KCNH7: variants seen among roughly 807,000 people sequenced by gnomAD.
KCNH7 encodes potassium voltage-gated channel subfamily H member 7.
Under a neutral mutation model 120.8 loss-of-function variants are expected in KCNH7, and 49 were observed. The ratio of observed to expected loss-of-function variants is 0.41; its 90% confidence interval spans 0.32 to 0.51. The LOEUF (loss-of-function observed/expected upper bound fraction) is 0.51, where lower values mean the gene tolerates loss of function less well. Ranked by LOEUF, KCNH7 falls within the 20% of genes least tolerant of loss-of-function variation. KCNH7 has a pLI of 0.38. For synonymous variants in KCNH7, 547 were observed against 516.1 expected (o/e 1.06, Z -0.81); for missense variants, 1,097 against 1,446.6 (o/e 0.76, Z 3.92).
chr2:162,643,804 C>CAAAAAAAAAAAAAAA (rs781089376), intron 2 of KCNH7, among the ~76,000 whole-genome samples: 22 of 90,346 alleles, frequency 2.4e-4, no homozygotes, highest in Non-Finnish European at 3.3e-4. Context: ...GACTCTATCT[C>CAAAAAAAAAAAAAAA]AAAAAAAAAA....
intron 2 of KCNH7, among the ~76,000 whole-genome samples, chr2:162,563,250 G>T (rs12692650): frequency 0.57 from 86,094 of 152,014 alleles, 25,013 homozygotes; most frequent in African/African-American, 0.67. Flanking sequence ...TTGGGGGTTT[G>T]CAGCATGAAA....
At chr2:162,412,033 T>G (rs76300135) in intron 9 of KCNH7, among the ~76,000 whole-genome samples, 12 of 151,772 alleles carry the variant, frequency 7.9e-5, no homozygotes, top group Non-Finnish European at 1.3e-4. Flanking sequence ...CAAAAAGAAG[T>G]CCTTCAGAAT....
intron 2 of KCNH7, among the ~76,000 whole-genome samples, chr2:162,830,644 AC>A (rs1047329179): frequency 5.8e-4 from 88 of 152,248 alleles, no homozygotes; most frequent in African/African-American, 2.1e-3. Context: ...TCGAACTTCA[AC>A]CCCAACATGA....
chr2:162,834,421 T>TAAAA (rs1685582343), intron 2 of KCNH7, among the ~76,000 whole-genome samples: 1 of 152,120 alleles, frequency 6.6e-6, no homozygotes, highest in Non-Finnish European at 1.5e-5. Context: ...GTAGATTTTA[T>TAAAA]AGTTAACGCT....
At chr2:162,462,593 A>C (rs1430348859) in intron 6 of KCNH7, among the ~76,000 whole-genome samples, 1 of 152,010 alleles carries the variant, frequency 6.6e-6, no homozygotes, top group East Asian at 1.9e-4. Flanking sequence ...ATAGAAAACA[A>C]AATATAAAGC....
intron 14 of KCNH7, 86 bp downstream of exon 14, chr2:162,379,767 A>G: frequency 7.9e-7 from 1 of 1,266,470 alleles, no homozygotes. Context: ...GATCATGGCA[A>G]GGAGAATTTT....
intron 13 of KCNH7, 36 bp downstream of exon 13, chr2:162,384,652 T>C: frequency 6.2e-7 from 1 of 1,603,882 alleles, no homozygotes; most frequent in Non-Finnish European, 8.5e-7. Flanking sequence ...TGATTAGCAC[T>C]GAAGAGAGAC....
intron 2 of KCNH7, among the ~76,000 whole-genome samples, chr2:162,799,634 T>C (rs1231866425): frequency 6.6e-6 from 1 of 151,964 alleles, no homozygotes. Flanking sequence ...ACATATATGA[T>C]CAAGCTCCCC....
intron 12 of KCNH7, among the ~76,000 whole-genome samples, chr2:162,385,375 C>T (rs1235784309): frequency 1.3e-5 from 2 of 151,884 alleles, no homozygotes; most frequent in Non-Finnish European, 2.9e-5. Context: ...TCATGCATTG[C>T]AAAGGTCAAA....
At chr2:162,758,481 C>T (rs1022415764) in intron 2 of KCNH7, among the ~76,000 whole-genome samples, 1 of 152,060 alleles carries the variant, frequency 6.6e-6, no homozygotes. Flanking sequence ...TATATACACA[C>T]ACATATTGTT....
chr2:162,574,591 G>A (rs1310061367), intron 2 of KCNH7, among the ~76,000 whole-genome samples: 5 of 152,078 alleles, frequency 3.3e-5, no homozygotes, highest in Admixed American at 6.6e-5. Flanking sequence ...TTTCATGTAA[G>A]TATTCAATGT....
intron 2 of KCNH7, among the ~76,000 whole-genome samples, chr2:162,688,567 C>A (rs1034912950): frequency 1.3e-5 from 2 of 152,070 alleles, no homozygotes; most frequent in Non-Finnish European, 2.9e-5. Context: ...TTGAAATCTG[C>A]TTTCGAGTTG....
At chr2:162,707,107 T>A (rs1033373867) in intron 2 of KCNH7, among the ~76,000 whole-genome samples, 1 of 152,150 alleles carries the variant, frequency 6.6e-6, no homozygotes, top group African/African-American at 2.4e-5. Context: ...TTATTCTCTG[T>A]GGATTTGGAA....
At chr2:162,526,046 A>C (rs958341982) in intron 3 of KCNH7, among the ~76,000 whole-genome samples, 1 of 151,928 alleles carries the variant, frequency 6.6e-6, no homozygotes, top group African/African-American at 2.4e-5. Context: ...CAGTCTGAGA[A>C]ATAAAGGGAC....
At chr2:162,632,068 G>A (rs1320877219) in intron 2 of KCNH7, among the ~76,000 whole-genome samples, 4 of 151,936 alleles carry the variant, frequency 2.6e-5, no homozygotes, top group Admixed American at 2.6e-4. Context: ...ATAAATGTTG[G>A]AGAGGAAGGA....
chr2:162,643,398 T>C (rs1052886504), intron 2 of KCNH7, among the ~76,000 whole-genome samples: 3 of 152,190 alleles, frequency 2.0e-5, no homozygotes, highest in Non-Finnish European at 4.4e-5. Flanking sequence ...TTTTTTACTC[T>C]AATTACACAG....
intron 2 of KCNH7, among the ~76,000 whole-genome samples, chr2:162,751,792 T>G (rs2105432260): frequency 6.6e-6 from 1 of 151,968 alleles, no homozygotes; most frequent in South Asian, 2.1e-4. Context: ...AACTAAACAT[T>G]ATTCTAAATA....
At chr2:162,470,834 T>C (rs1211408121) in intron 6 of KCNH7, among the ~76,000 whole-genome samples, 5 of 152,134 alleles carry the variant, frequency 3.3e-5, no homozygotes, top group African/African-American at 9.7e-5. Flanking sequence ...GATTGAGAAA[T>C]TGGGTGGTTG....
chr2:162,456,621 T>G (rs981161910), intron 6 of KCNH7, among the ~76,000 whole-genome samples: 1 of 152,154 alleles, frequency 6.6e-6, no homozygotes, highest in African/African-American at 2.4e-5. Context: ...TCTCCCACTA[T>G]TATCACGAGG....
Sources: gnomAD v4.1 joint callset for allele counts (sites outside exome capture counted in the v4.1 genomes callset) on GRCh38, gnomAD v4.1.1 for gene constraint, MANE v1.5 for transcripts, NCBI Gene and HGNC (gene_info 2026-07-23, HGNC 2026-07-21) for gene names.